Variants in TAFA1 observed in about 807,000 individuals in gnomAD.
The protein encoded by TAFA1 is chemokine-like protein TAFA-1.
In TAFA1, 4 loss-of-function variants were observed where a neutral mutation model predicts 18.5. That is an observed-to-expected ratio of 0.22 (90% CI 0.11 to 0.49). The LOEUF (loss-of-function observed/expected upper bound fraction) is 0.49. Ranked by LOEUF, TAFA1 falls within the 20% of genes least tolerant of loss-of-function variation. The pLI, the probability that TAFA1 is intolerant of heterozygous loss-of-function variation, is 0.98. For synonymous variants in TAFA1, 56 were observed against 55.2 expected (o/e 1.01, Z -0.06); for missense variants, 147 against 169.0 (o/e 0.87, Z 0.72).
At chr3:68,060,769 G>C (rs1046009250) in intron 2 of TAFA1, among the ~76,000 whole-genome samples, 1 of 152,192 alleles carries the variant, frequency 6.6e-6, no homozygotes, top group Non-Finnish European at 1.5e-5. Context: ...GGGTGGGCTT[G>C]AGAAAGGCTG....
intron 2 of TAFA1, among the ~76,000 whole-genome samples, chr3:68,258,964 G>A (rs1286893018): frequency 6.6e-6 from 1 of 152,200 alleles, no homozygotes; most frequent in Non-Finnish European, 1.5e-5. Context: ...TGCCCACGCA[G>A]TAACTTAGAA....
chr3:68,051,345 G>T (rs1319882318), intron 2 of TAFA1, among the ~76,000 whole-genome samples: 2 of 152,148 alleles, frequency 1.3e-5, no homozygotes, highest in East Asian at 1.9e-4. Context: ...CTAAGAATCA[G>T]ATCTGGCAGA....
chr3:68,187,881 C>T lies in TAFA1; in HGVS notation c.118+181137C>T, dbSNP rs533102297. 2.7e-3 allele frequency among the ~76,000 whole-genome samples: 403 copies of T among 152,018 alleles called. 1 individual carries two copies. Among genetic ancestry groups the T allele is most frequent in the Non-Finnish European group, 4.1e-3 (281 of 67,940 alleles). On this transcript the variant is annotated intron_variant, in intron 2 of 4. Coordinates refer to ENST00000478136, the MANE Select transcript of TAFA1 (RefSeq NM_213609.4). The stretch of plus-strand genomic sequence containing the variant: ...TTTAGTGAGTATTATGGTAGCATTG[C>T]GGCTTTAATTTGCATTTTGTTAATT...
At chr3:68,258,440 T>C (rs948821518) in intron 2 of TAFA1, among the ~76,000 whole-genome samples, 8 of 152,198 alleles carry the variant, frequency 5.3e-5, no homozygotes, top group Non-Finnish European at 1.0e-4. Context: ...TTACTAACTA[T>C]GCTCCCTTTT....
chr3:68,309,042 C>G (rs574206428), intron 2 of TAFA1, among the ~76,000 whole-genome samples: 3 of 152,204 alleles, frequency 2.0e-5, no homozygotes, highest in Non-Finnish European at 1.5e-5. Flanking sequence ...CTGGAATGCT[C>G]TCATCACAGA....
At chr3:68,383,824 G>T (rs1457653603) in intron 2 of TAFA1, among the ~76,000 whole-genome samples, 1 of 151,872 alleles carries the variant, frequency 6.6e-6, no homozygotes, top group Non-Finnish European at 1.5e-5. Context: ...GTTTTTGGTT[G>T]GTAGGCCATT....
chr3:68,197,483 A>G (rs971561036), intron 2 of TAFA1, among the ~76,000 whole-genome samples: 2 of 151,576 alleles, frequency 1.3e-5, no homozygotes, highest in African/African-American at 4.8e-5. Flanking sequence ...TGAAAATTCC[A>G]CCAGGCAACA....
intron 2 of TAFA1, among the ~76,000 whole-genome samples, chr3:68,115,347 C>T (rs1422888293): frequency 1.3e-5 from 2 of 152,148 alleles, no homozygotes; most frequent in Admixed American, 1.3e-4. Context: ...ACCCAATCAG[C>T]CCATTATTGC....
intron 2 of TAFA1, among the ~76,000 whole-genome samples, chr3:68,351,816 A>C (rs748541027): frequency 1.3e-5 from 2 of 151,976 alleles, no homozygotes; most frequent in Non-Finnish European, 2.9e-5. Flanking sequence ...TCTCCCCAGC[A>C]GAGAGGGGGA....
At chr3:68,179,791 G>C (rs2066172685) in intron 2 of TAFA1, among the ~76,000 whole-genome samples, 1 of 151,902 alleles carries the variant, frequency 6.6e-6, no homozygotes, top group African/African-American at 2.4e-5. Flanking sequence ...AGTTTCTTTT[G>C]GATTGTCAAA....
At chr3:68,447,156 G>A (rs780972571) in intron 3 of TAFA1, among the ~76,000 whole-genome samples, 3 of 152,128 alleles carry the variant, frequency 2.0e-5, no homozygotes, top group Non-Finnish European at 2.9e-5. Context: ...ATATCCATAC[G>A]TGTGCCATGT....
At chr3:68,447,535 ACT>A (rs1358168724) in intron 3 of TAFA1, among the ~76,000 whole-genome samples, 2 of 152,094 alleles carry the variant, frequency 1.3e-5, no homozygotes, top group Non-Finnish European at 2.9e-5. Context: ...TTGCTCCAAA[ACT>A]CTCCAGTTTC....
At chr3:68,123,037 T>TCCTTCCTC (rs1225484364) in intron 2 of TAFA1, among the ~76,000 whole-genome samples, 1 of 152,034 alleles carries the variant, frequency 6.6e-6, no homozygotes, top group Non-Finnish European at 1.5e-5. Context: ...GTAGATTTCT[T>TCCTTCCTC]CCTTCCTCCC....
At chr3:67,992,220 C>T in the TAFA1 span, among the ~76,000 whole-genome samples, 1 of 152,168 alleles carries the variant, frequency 6.6e-6, no homozygotes. Context: ...TAAGCAAATC[C>T]TCCTACTGAC....
intron 2 of TAFA1, among the ~76,000 whole-genome samples, chr3:68,298,014 T>C (rs2068240385): frequency 6.6e-6 from 1 of 152,228 alleles, no homozygotes; most frequent in Non-Finnish European, 1.5e-5. Flanking sequence ...TCAGAAGTAA[T>C]ATAACAGTGT....
At position 68,209,769 on chromosome 3, in the gene TAFA1, A is replaced by T. The variant is rs187606503; in HGVS notation, c.118+203025A>T. Among the ~76,000 whole-genome samples, 25 of 152,010 alleles carry T rather than the reference A, an allele frequency of 1.6e-4. No homozygotes were observed. The East Asian group carries it at 3.7e-3, about 23-fold the overall frequency. On this transcript the variant is annotated intron_variant, in intron 2 of 4. Transcript: ENST00000478136. ...GTTCATGTTTGCTGTTAAGTTAGGG[A>T]ACTTATTTTTTTCTCATTTTGTAAT...
intron 3 of TAFA1, among the ~76,000 whole-genome samples, chr3:68,515,454 A>AG (rs1216867043): frequency 3.3e-5 from 5 of 152,172 alleles, no homozygotes; most frequent in African/African-American, 4.8e-5. Context: ...CTCTGTTTCC[A>AG]GGAAGTATGG....
intron 2 of TAFA1, among the ~76,000 whole-genome samples, chr3:68,134,835 T>G (rs922214927): frequency 6.6e-6 from 1 of 152,222 alleles, no homozygotes; most frequent in Admixed American, 6.5e-5. Context: ...CTTTTCTTTC[T>G]TATTCAAACA....
intron 2 of TAFA1, among the ~76,000 whole-genome samples, chr3:68,196,389 A>G (rs189118024): frequency 2.0e-5 from 3 of 151,746 alleles, no homozygotes; most frequent in African/African-American, 7.3e-5. Flanking sequence ...TCAATCAATC[A>G]ATCTATCTAT....
Sources: gnomAD v4.1 joint callset for allele counts (sites outside exome capture counted in the v4.1 genomes callset) on GRCh38, gnomAD v4.1.1 for gene constraint, MANE v1.5 for transcripts, NCBI Gene and HGNC (gene_info 2026-07-23, HGNC 2026-07-21) for gene names.